The following ENPEP variants were observed in gnomAD, a reference collection of about 807,000 sequenced individuals.
The protein encoded by ENPEP is AP-A.
Under a neutral mutation model 114.5 loss-of-function variants are expected in ENPEP, and 103 were observed. The ratio of observed to expected loss-of-function variants is 0.90; its 90% CI spans 0.77 to 1.06. The LOEUF (loss-of-function observed/expected upper bound fraction) is 1.06. Ranked by LOEUF, ENPEP falls within the 50% of genes least tolerant of loss-of-function variation. The pLI is 0.00. For synonymous variants in ENPEP, 420 were observed against 422.0 expected (o/e 1.00, Z 0.06); for missense variants, 1,196 against 1,161.3 (o/e 1.03, Z -0.43).
intron 3 of ENPEP, among the ~76,000 whole-genome samples, chr4:110,499,667 A>G (rs1174413698): frequency 1.3e-5 from 2 of 152,178 alleles, no homozygotes. Context: ...CTTCTGCAGC[A>G]ATTTTTTATA....
chr4:110,542,961 A>G lies in ENPEP; in HGVS notation c.1945-54A>G. The G allele has an allele frequency of 8.7e-6, 14 of 1,609,472 alleles. No individual in the cohort carries two copies. In the South Asian group the frequency reaches 1.0e-4, roughly 11 times the overall value. ...CATCTTAATGATATTAATTTTTTTC[A>G]ACATGCTTTGCCTTAAGAATTGTGT... On this transcript the variant is annotated intron_variant, in intron 12 of 19. Coordinates refer to ENST00000265162, the MANE Select transcript of ENPEP (RefSeq NM_001977.4).
chr4:110,504,573 A>T (rs1294498470), intron 3 of ENPEP, among the ~76,000 whole-genome samples: 1 of 152,138 alleles, frequency 6.6e-6, no homozygotes, highest in Admixed American at 6.5e-5. Flanking sequence ...AGGGTCATAG[A>T]TCACAGATGA....
intron 1 of ENPEP, among the ~76,000 whole-genome samples, chr4:110,480,619 A>T (rs2110330583): frequency 6.6e-6 from 1 of 152,334 alleles, no homozygotes; most frequent in Non-Finnish European, 1.5e-5. Flanking sequence ...ACTAAACAGG[A>T]TTGCACTCAG....
intron 10 of ENPEP, among the ~76,000 whole-genome samples, chr4:110,523,884 C>T (rs556934639): frequency 3.6e-4 from 55 of 152,112 alleles, no homozygotes; most frequent in South Asian, 2.1e-3. Context: ...GGGAGTATTA[C>T]GTGGAAATGA....
intron 3 of ENPEP, among the ~76,000 whole-genome samples, chr4:110,501,757 G>C (rs1476642949): frequency 6.6e-6 from 1 of 152,216 alleles, no homozygotes; most frequent in African/African-American, 2.4e-5. Context: ...ATGGAGGCCT[G>C]TGTCTTTACG....
intron 3 of ENPEP, chr4:110,499,957 A>C (rs762658686): frequency 2.0e-5 from 3 of 152,204 alleles, no homozygotes; most frequent in Non-Finnish European, 4.4e-5. Flanking sequence ...GAAAAAATTT[A>C]AGTTCTCAAT....
At chr4:110,480,557 C>G (rs1377115845) in intron 1 of ENPEP, among the ~76,000 whole-genome samples, 1 of 152,104 alleles carries the variant, frequency 6.6e-6, no homozygotes, top group African/African-American at 2.4e-5. Context: ...AAATGTAACT[C>G]CAGGATTGAG....
chr4:110,508,788 G>A (rs926345171), intron 4 of ENPEP, among the ~76,000 whole-genome samples: 3 of 152,146 alleles, frequency 2.0e-5, no homozygotes, highest in Non-Finnish European at 4.4e-5. Flanking sequence ...TCCAGTTTGG[G>A]CAACAGAGCG....
Position 110,515,407 on chromosome 4 carries a change from T to C in ENPEP, c.1474T>C (p.Trp492Arg). The C allele has an allele frequency of 6.3e-7, 1 of 1,592,982 alleles. No individual in the cohort carries two copies. The highest frequency in any genetic ancestry group is 8.5e-7 in the Non-Finnish European group (1 of 1,174,986). ...TTCTATTTTGAGAATGCTTGAAGAC[T>C]GGATAAAACCAGAGAATTTTCAAAA... ...GSSILRMLED[W>R]IKPENFQKGC... is the part of the protein sequence containing the mutation. Residue 492 changes from tryptophan to arginine, a missense_variant, in exon 8 of 20, where the codon TGG (tryptophan) becomes CGG (arginine). Coordinates refer to ENST00000265162, the MANE Select transcript of ENPEP (RefSeq NM_001977.4).
chr4:110,547,272 C>T (rs1169924352), intron 13 of ENPEP, among the ~76,000 whole-genome samples: 2 of 152,154 alleles, frequency 1.3e-5, no homozygotes, highest in East Asian at 3.9e-4. Flanking sequence ...AATTTAAGTC[C>T]CCCAGGCTGG....
At chr4:110,552,290 A>G (rs1216877081) in intron 17 of ENPEP, among the ~76,000 whole-genome samples, 2 of 152,176 alleles carry the variant, frequency 1.3e-5, no homozygotes, top group Non-Finnish European at 2.9e-5. Context: ...TGTGTTTTCC[A>G]GTTTCACATG....
intron 13 of ENPEP, among the ~76,000 whole-genome samples, chr4:110,544,649 G>T (rs1726984685): frequency 6.6e-6 from 1 of 152,134 alleles, no homozygotes; most frequent in South Asian, 2.1e-4. Context: ...TTTTTAAATT[G>T]TCCTGTTCCA....
intron 18 of ENPEP, among the ~76,000 whole-genome samples, chr4:110,556,171 C>G (rs1727461134): frequency 6.6e-6 from 1 of 151,750 alleles, no homozygotes; most frequent in Admixed American, 6.6e-5. Context: ...GTGTGATTTG[C>G]TTTTTTAAAT....
chr4:110,509,648 T>G lies in ENPEP; in HGVS notation c.1040-5T>G, dbSNP rs1578400819. On this transcript the variant is annotated splice_polypyrimidine_tract_variant and splice_region_variant and intron_variant, in intron 4 of 19. Coordinates refer to ENST00000265162, the MANE Select transcript of ENPEP (RefSeq NM_001977.4). The stretch of plus-strand genomic sequence containing the variant: ...TTTCTCACTGGACTCTTTCTTCTTC[T>G]ATAGATAAAATCGCTATTCCAGATT... 1 of 1,610,876 alleles carries G rather than the reference T, an allele frequency of 6.2e-7. No homozygotes were observed. The highest frequency in any genetic ancestry group is 8.5e-7 in the Non-Finnish European group (1 of 1,179,252).
At position 110,559,685 on chromosome 4, in the gene ENPEP, C is replaced by T; in HGVS notation, c.2681C>T (p.Thr894Ile). The change falls in exon 19 of 20, where the codon ACA becomes ATA. Residue 894 changes from threonine to isoleucine, a missense_variant. Thr to Ile is a moderately conservative substitution (Grantham distance 89). Coordinates refer to ENST00000265162, the MANE Select transcript of ENPEP (RefSeq NM_001977.4). ...LNNRNLGRIVTIAEPFNTELQ... is the reference protein window; with the variant it reads ...LNNRNLGRIVIIAEPFNTELQ... ...AACAGAAACCTTGGCCGAATTGTCA[C>T]AATAGCAGAGCCATTCAACACTGAA... 1 of 1,613,940 alleles carries T rather than the reference C, an allele frequency of 6.2e-7. No individual in the cohort carries two copies. The highest frequency in any genetic ancestry group is 8.5e-7 in the Non-Finnish European group (1 of 1,179,864).
chr4:110,545,640 C>T (rs1727025912), intron 13 of ENPEP, among the ~76,000 whole-genome samples: 1 of 151,890 alleles, frequency 6.6e-6, no homozygotes, highest in African/African-American at 2.4e-5. Flanking sequence ...TGATGTGCTG[C>T]CTACTTTTGG....
intron 11 of ENPEP, among the ~76,000 whole-genome samples, chr4:110,534,825 C>A (rs1276444759): frequency 6.6e-6 from 1 of 150,948 alleles, no homozygotes; most frequent in African/African-American, 2.4e-5. Context: ...TTTTTTTTCT[C>A]AACTAAATTA....
In ENPEP at chr4:110,536,397, C is replaced by T. The variant is rs141337806; in HGVS notation, c.1807+5120C>T. On this transcript the variant is annotated intron_variant, in intron 11 of 19. Transcript: ENST00000265162. Reference sequence around the variant, plus strand: ...CTTATGGCTTTACCATCCCCTGCATCTTGGAATCCCTCACTGGTTCTTTTG... The same window carrying T: ...CTTATGGCTTTACCATCCCCTGCATTTTGGAATCCCTCACTGGTTCTTTTG... Among the ~76,000 whole-genome samples the T allele has an allele frequency of 3.4e-3, 514 of 152,280 alleles. 20 individuals carry two copies. In the South Asian group the frequency reaches 0.044, roughly 13 times the overall value.
At chr4:110,520,432 A>G in intron 10 of ENPEP, 66 bp downstream of exon 10, 2 of 1,528,876 alleles carry the variant, frequency 1.3e-6, no homozygotes, top group Non-Finnish European at 1.8e-6. Flanking sequence ...ATTTGTTTAT[A>G]TCCTATTGTT....
Sources: gnomAD v4.1 joint callset for allele counts (sites outside exome capture counted in the v4.1 genomes callset) on GRCh38, gnomAD v4.1.1 for gene constraint, MANE v1.5 for transcripts, NCBI Gene and HGNC (gene_info 2026-07-23, HGNC 2026-07-21) for gene names.